Variants in CNTN5 observed in about 807,000 individuals in gnomAD.
CNTN5 encodes the protein contactin 5.
A neutral mutation model predicts 129.1 loss-of-function variants in CNTN5; 77 were observed. That is an observed-to-expected ratio of 0.60 (90% CI 0.50 to 0.72). The LOEUF (loss-of-function observed/expected upper bound fraction) is 0.72, where lower values mean the gene tolerates loss of function less well. Ranked by LOEUF, CNTN5 falls within the 30% of genes least tolerant of loss-of-function variation. The pLI, the probability that CNTN5 is intolerant of heterozygous loss-of-function variation, is 0.00. For synonymous variants in CNTN5, 509 were observed against 465.6 expected (o/e 1.09, Z -1.20); for missense variants, 1,478 against 1,328.8 (o/e 1.11, Z -1.75).
At chr11:99,532,641 C>T (rs1025019616) in intron 2 of CNTN5, among the ~76,000 whole-genome samples, 1 of 152,144 alleles carries the variant, frequency 6.6e-6, no homozygotes, top group East Asian at 1.9e-4. Context: ...CCATGTTATT[C>T]TCATGCTAGT....
chr11:100,098,285 A>T (rs1591239398), intron 13 of CNTN5, among the ~76,000 whole-genome samples: 1 of 152,198 alleles, frequency 6.6e-6, no homozygotes, highest in Non-Finnish European at 1.5e-5. Flanking sequence ...CTTTTGTTGT[A>T]TTCAAAGATA....
chr11:99,879,543 G>T (rs1250159523), intron 6 of CNTN5, among the ~76,000 whole-genome samples: 2 of 152,074 alleles, frequency 1.3e-5, no homozygotes, highest in African/African-American at 4.8e-5. Flanking sequence ...AACTTCTATC[G>T]ATGTTACTTC....
At chr11:99,984,574 C>T (rs911997090) in intron 8 of CNTN5, among the ~76,000 whole-genome samples, 1 of 151,704 alleles carries the variant, frequency 6.6e-6, no homozygotes, top group African/African-American at 2.4e-5. Context: ...AATGAAGGCC[C>T]TATTTTTGTG....
At chr11:99,246,444 G>A (rs1003615987) in intron 1 of CNTN5, among the ~76,000 whole-genome samples, 8 of 152,094 alleles carry the variant, frequency 5.3e-5, no homozygotes, top group Admixed American at 6.6e-5. Context: ...TGGTAGGTAC[G>A]GATTTATATT....
intron 3 of CNTN5, among the ~76,000 whole-genome samples, chr11:99,702,636 A>G (rs1954573074): frequency 6.6e-6 from 1 of 150,956 alleles, no homozygotes; most frequent in African/African-American, 2.4e-5. Flanking sequence ...AAATTGGATC[A>G]TATTCACTCC....
chr11:99,558,663 A>G (rs903745119), intron 3 of CNTN5, among the ~76,000 whole-genome samples: 5 of 152,066 alleles, frequency 3.3e-5, no homozygotes, highest in Non-Finnish European at 5.9e-5. Flanking sequence ...CATGATCCCT[A>G]GATTTCCAGC....
At chr11:99,773,206 A>G (rs1945003865) in intron 3 of CNTN5, among the ~76,000 whole-genome samples, 1 of 152,126 alleles carries the variant, frequency 6.6e-6, no homozygotes, top group South Asian at 2.1e-4. Context: ...ATAGATTGCA[A>G]TATTTATCAA....
chr11:100,016,745 T>C (rs2137544894), intron 9 of CNTN5, among the ~76,000 whole-genome samples: 1 of 152,020 alleles, frequency 6.6e-6, no homozygotes, highest in East Asian at 1.9e-4. Flanking sequence ...GTGTGAGTGG[T>C]TAAATCCACA....
intron 4 of CNTN5, among the ~76,000 whole-genome samples, chr11:99,830,335 T>A (rs1947098854): frequency 6.6e-6 from 1 of 152,170 alleles, no homozygotes; most frequent in East Asian, 1.9e-4. Context: ...TTTAGCACTG[T>A]CTTCTGACAA....
In CNTN5 at chr11:99,752,780, C is replaced by G. The variant is rs190341893; in HGVS notation, c.56-66764C>G. The stretch of plus-strand genomic sequence containing the variant: ...TTTAGAATTTTTGAAAAGCATTATC[C>G]GGTAGAAAAAAGTAACTGCTTTATT... On this transcript the variant is annotated intron_variant, in intron 3 of 24. Coordinates refer to ENST00000524871, the MANE Select transcript of CNTN5 (RefSeq NM_014361.4). 8.9e-4 allele frequency among the ~76,000 whole-genome samples: 135 copies of G among 152,128 alleles called. 3 individuals are homozygous for G. The East Asian group carries it at 0.02, about 23-fold the overall frequency.
rs147299438 is a variant in CNTN5 at position 99,286,470 on chromosome 11, G to A, written c.-209-38876G>A. 2.4e-3 allele frequency among the ~76,000 whole-genome samples: 364 copies of A among 152,304 alleles called. 1 individual carries two copies. The highest frequency in any genetic ancestry group is 6.0e-3 in the African/African-American group (251 of 41,562). On this transcript the variant is annotated intron_variant, in intron 1 of 24. Transcript: ENST00000524871. ...ATATTCCAAGATGGATAAGGAGAAC[G>A]TGAAGAACATATTAGTTATGGACTT... is the stretch of plus-strand genomic sequence containing the variant.
In CNTN5 at chr11:99,404,453, T is replaced by C. The variant is rs546564019; in HGVS notation, c.-71+78969T>C. Reference sequence around the variant, plus strand: ...TGTTCTTTGTTTTCTGTATTTCTTTTAGTGAAGGTGATTTTCTTTGGTGCT... The same window carrying C: ...TGTTCTTTGTTTTCTGTATTTCTTTCAGTGAAGGTGATTTTCTTTGGTGCT... On this transcript the variant is annotated intron_variant, in intron 2 of 24. Coordinates refer to ENST00000524871, the MANE Select transcript of CNTN5 (RefSeq NM_014361.4). Among the ~76,000 whole-genome samples, 4 of 152,062 alleles carry C rather than the reference T, an allele frequency of 2.6e-5. No homozygotes were observed. The South Asian group carries it at 8.3e-4, about 32-fold the overall frequency.
chr11:100,322,872 T>C (rs999357852), intron 21 of CNTN5, among the ~76,000 whole-genome samples: 9 of 152,190 alleles, frequency 5.9e-5, no homozygotes, highest in African/African-American at 9.7e-5. Flanking sequence ...ATATATAATA[T>C]ACAGAAGAGT....
intron 1 of CNTN5, among the ~76,000 whole-genome samples, chr11:99,245,079 G>A (rs1168303358): frequency 6.6e-6 from 1 of 152,064 alleles, no homozygotes; most frequent in East Asian, 1.9e-4. Flanking sequence ...GTACAATGAG[G>A]CATATGCAAA....
chr11:99,099,556 ACACAC>A (rs1245656497), intron 1 of CNTN5, among the ~76,000 whole-genome samples: 11 of 109,098 alleles, frequency 1.0e-4, no homozygotes, highest in African/African-American at 4.7e-4. Context: ...GTATACACAC[ACACAC>A]ACACACACAC....
chr11:99,836,042 C>A (rs1433662097), intron 4 of CNTN5, among the ~76,000 whole-genome samples: 1 of 150,082 alleles, frequency 6.7e-6, no homozygotes, highest in African/African-American at 2.4e-5. Context: ...ATAGACAGTC[C>A]AAAGGGCTGC....
At chr11:99,576,377 T>C (rs1565311521) in intron 3 of CNTN5, among the ~76,000 whole-genome samples, 1 of 152,280 alleles carries the variant, frequency 6.6e-6, no homozygotes, top group East Asian at 1.9e-4. Context: ...ATTGGAGAAA[T>C]AGAAAGTGTT....
intron 21 of CNTN5, among the ~76,000 whole-genome samples, chr11:100,313,180 CT>C (rs59507606): frequency 1.3e-5 from 2 of 151,610 alleles, no homozygotes; most frequent in African/African-American, 2.4e-5. Flanking sequence ...TTATGTTTTT[CT>C]TTTTTTTAAT....
chr11:99,125,364 T>C (rs115458319), intron 1 of CNTN5, among the ~76,000 whole-genome samples: 2,060 of 152,036 alleles, frequency 0.014, 50 homozygotes, highest in African/African-American at 0.046. Context: ...ACCAGATTAT[T>C]TCAGTAGGTG....
Sources: gnomAD v4.1 joint callset for allele counts (sites outside exome capture counted in the v4.1 genomes callset) on GRCh38, gnomAD v4.1.1 for gene constraint, MANE v1.5 for transcripts, NCBI Gene and HGNC (gene_info 2026-07-23, HGNC 2026-07-21) for gene names.